Variants in HDAC11 observed in about 807,000 individuals in gnomAD.
HDAC11 encodes the protein histone deacetylase 11.
A neutral mutation model predicts 41.1 loss-of-function variants in HDAC11; 23 were observed. That is an observed-to-expected ratio of 0.56 (90% CI 0.40 to 0.79). The LOEUF (loss-of-function observed/expected upper bound fraction) is 0.79, where lower values mean the gene tolerates loss of function less well. HDAC11 is among the 30% of genes least tolerant of loss of function. The probability of loss-of-function intolerance (pLI) is 0.00; values close to 1 mark genes in which losing one functional copy is unlikely to be tolerated. For synonymous variants in HDAC11, 187 were observed against 186.6 expected (o/e 1.00, Z -0.02); for missense variants, 402 against 477.3 (o/e 0.84, Z 1.47).
chr3:13,483,500 C>T lies in HDAC11; in HGVS notation c.188C>T (p.Ala63Val). The change falls in exon 3 of 10, where the codon GCG (alanine) becomes GTG (valine). Residue 63 changes from alanine to valine, a missense_variant. Coordinates refer to ENST00000295757, the MANE Select transcript of HDAC11 (RefSeq NM_024827.4). ...CTGTCTGACAGCATGCTGGTGGAGG[C>T]GCGGGAGGCCTCGGAGGAGGACCTG... The part of the protein sequence containing the change: ...KLLSDSMLVE[A>V]REASEEDLLV... 4.3e-6 allele frequency: 7 copies of T among 1,613,944 alleles called. No homozygotes were observed. The highest frequency in any genetic ancestry group is 1.7e-4 in the Middle Eastern group (1 of 6,056).
Position 13,481,365 on chromosome 3 carries a change from A to G in HDAC11, c.122A>G (p.Lys41Arg), listed in dbSNP as rs777534698. 1 of 1,614,126 alleles carries G rather than the reference A, an allele frequency of 6.2e-7. No homozygotes were observed. Among genetic ancestry groups the G allele is most frequent in the South Asian group, 1.1e-5 (1 of 91,082 alleles). Residue 41 changes from lysine (K) to arginine (R), a missense_variant, in exon 2 of 10, where the codon AAA becomes AGA. Lys to Arg is a conservative substitution (Grantham distance 26). Transcript: ENST00000295757. ...AAGCTGCATCCCTTTGATGCCGGAA[A>G]ATGGGGCAAAGTGATCAATTTCCTA... ...LEKLHPFDAG[K>R]WGKVINFLKE...
rs377151034 is a variant in HDAC11 at position 13,504,840 on chromosome 3, C to T, written c.*157C>T. On this transcript the variant is annotated 3_prime_UTR_variant, in exon 10 of 10. Transcript: ENST00000295757. Reference sequence around the variant, plus strand: ...GGAGCTGGCCCTTCCTCTACTTTTCCCTGCTGGAAGCCAGAAGGGCTTGAG... The same window carrying T: ...GGAGCTGGCCCTTCCTCTACTTTTCTCTGCTGGAAGCCAGAAGGGCTTGAG... 1 of 690,930 alleles carries T rather than the reference C, an allele frequency of 1.4e-6. No homozygotes were observed. The allele number at this position is 690,930 out of a possible 1,614,324, so 42.8% of individuals were successfully genotyped here.
rs1702402456 is a variant in HDAC11 at position 13,502,233 on chromosome 3, C to T, written c.552+300C>T. ...AGAGCTCTGCTGTGGGTCCCCATTG[C>T]TTATGAATAATTTGGGGCACTGCCC... On this transcript the variant is annotated intron_variant, in intron 7 of 9. Coordinates refer to ENST00000295757, the MANE Select transcript of HDAC11 (RefSeq NM_024827.4). This position sits in a 1 kb window ranked among gnomAD's most constrained non-coding sequence, Gnocchi z 4.1. 1.3e-5 allele frequency: 5 copies of T among 379,750 alleles called. No individual in the cohort carries two copies. The South Asian group carries it at 2.6e-4, about 20-fold the overall frequency. 23.5% of individuals were successfully genotyped at this position (379,750 alleles called of 1,614,324 possible). A position where few individuals can be genotyped will look rare whatever the true frequency, so the allele number is the denominator to read the frequency against.
intron 4 of HDAC11, 68 bp from the exon 5 acceptor site, chr3:13,498,445 T>C: frequency 1.3e-6 from 2 of 1,580,022 alleles, no homozygotes. Flanking sequence ...AATGAGTGCA[T>C]GAATCAGTGA....
chr3:13,502,759 C>G lies in HDAC11; in HGVS notation c.553-125C>G. 1.5e-6 allele frequency: 1 copy of G among 685,366 alleles called. No individual in the cohort carries two copies. Among genetic ancestry groups the G allele is most frequent in the Non-Finnish European group, 2.6e-6 (1 of 386,230 alleles). The allele number at this position is 685,366 out of a possible 1,614,324, so 42.5% of individuals were successfully genotyped here. On this transcript the variant is annotated intron_variant, in intron 7 of 9. Transcript: ENST00000295757. The surrounding 1 kb of genome is among the most constrained non-coding windows in gnomAD (Gnocchi z 4.1). ...TGCCCCTTAACAGTCATGAGACCTG[C>G]TGCCCCCGAGAGCAGGCCGTGCTGC... is the stretch of plus-strand genomic sequence containing the variant.
chr3:13,503,836 G>A (rs1702483977), intron 8 of HDAC11, among the ~76,000 whole-genome samples: 1 of 152,204 alleles, frequency 6.6e-6, no homozygotes. Flanking sequence ...AGACCCAGAG[G>A]AGGCAGTGAA....
intron 3 of HDAC11, among the ~76,000 whole-genome samples, chr3:13,492,121 A>G (rs187374514): frequency 6.6e-6 from 1 of 152,248 alleles, no homozygotes; most frequent in East Asian, 1.9e-4. Context: ...GGGCAGAGTG[A>G]GCAGCTGAGC....
Position 13,492,512 on chromosome 3 carries a change from A to T in HDAC11, c.253-4224A>T, listed in dbSNP as rs571251714. Among the ~76,000 whole-genome samples the T allele has an allele frequency of 3.3e-5, 5 of 152,288 alleles. No homozygotes were observed. In the East Asian group the frequency reaches 9.7e-4, roughly 29 times the overall value. ...AGTGCTATCTGGGAAGATGAAGCCA[A>T]GGTGTGGGCTCCAGGGGGCCCCAGG... On this transcript the variant is annotated intron_variant, in intron 3 of 9. Coordinates refer to ENST00000295757, the MANE Select transcript of HDAC11 (RefSeq NM_024827.4).
At chr3:13,484,341 A>G (rs1372022741) in intron 3 of HDAC11, among the ~76,000 whole-genome samples, 2 of 152,166 alleles carry the variant, frequency 1.3e-5, no homozygotes, top group Non-Finnish European at 2.9e-5. Context: ...TTGTTGGTCT[A>G]AAAACTAATT....
At position 13,504,659 on chromosome 3, in the gene HDAC11, G is replaced by T. The variant is rs777129363; in HGVS notation, c.1020G>T (p.Pro340=). ...PSVSAQNSDT[P]LLPPAVP Reference sequence around the variant, plus strand: ...TCTCCGCACAGAACTCAGACACACCGCTGCTTCCCCCTGCAGTGCCCTGAC... The same window carrying T: ...TCTCCGCACAGAACTCAGACACACCTCTGCTTCCCCCTGCAGTGCCCTGAC... The change falls in exon 10 of 10, where the codon CCG becomes CCT. Residue 340 remains proline (P), a synonymous_variant. Transcript: ENST00000295757. The T allele has an allele frequency of 1.2e-5, 20 of 1,613,584 alleles. No individual in the cohort carries two copies. The East Asian group carries it at 3.6e-4, about 29-fold the overall frequency.
intron 3 of HDAC11, among the ~76,000 whole-genome samples, chr3:13,496,173 C>G (rs951662173): frequency 7.9e-5 from 12 of 152,140 alleles, no homozygotes; most frequent in Admixed American, 4.6e-4. Flanking sequence ...TACCGTAGAC[C>G]CCCCCAGCCT....
chr3:13,498,372 A>G (rs1702203121), intron 4 of HDAC11, 141 bp from the exon 5 acceptor site: 2 of 1,043,222 alleles, frequency 1.9e-6, no homozygotes, highest in East Asian at 2.5e-5. Context: ...AGTTCCTTCT[A>G]TACCCCTGCC....
intron 2 of HDAC11, 87 bp downstream of exon 2, chr3:13,481,481 C>G (rs1176970218): frequency 2.7e-6 from 4 of 1,478,296 alleles, no homozygotes; most frequent in Non-Finnish European, 3.7e-6. Flanking sequence ...GCCTCAGGCT[C>G]TCTCCCATCT....
intron 6 of HDAC11, 48 bp downstream of exon 6, chr3:13,500,837 A>T: frequency 1.5e-6 from 2 of 1,309,754 alleles, no homozygotes; most frequent in Middle Eastern, 1.9e-4. Context: ...CCCTCCTGGA[A>T]TCCTCCCCAT....
intron 3 of HDAC11, among the ~76,000 whole-genome samples, chr3:13,486,057 C>T (rs369361088): frequency 2.6e-4 from 40 of 151,964 alleles, no homozygotes; most frequent in East Asian, 2.3e-3. Context: ...CACTTGAGGT[C>T]GGGAGTTTGA....
chr3:13,493,435 G>C (rs946079343), intron 3 of HDAC11, among the ~76,000 whole-genome samples: 2 of 152,250 alleles, frequency 1.3e-5, no homozygotes, highest in Non-Finnish European at 2.9e-5. Flanking sequence ...GGAACCTTCT[G>C]CAATGATGGA....
rs193128900 is a variant in HDAC11, at chr3:13,487,406, C to T, written c.252+3842C>T. ...CTACCCCCAACCCCTGCCTGGGGCT[C>T]ATGCCTGACTCTGCACTGGTGTGGC... On this transcript the variant is annotated intron_variant, in intron 3 of 9. Coordinates refer to ENST00000295757, the MANE Select transcript of HDAC11 (RefSeq NM_024827.4). 7.2e-5 allele frequency among the ~76,000 whole-genome samples: 11 copies of T among 152,360 alleles called. No homozygotes were observed. The East Asian group carries it at 2.1e-3, about 29-fold the overall frequency.
rs750882226 is a variant in HDAC11 at position 13,481,222 on chromosome 3, C to T, written c.3-24C>T. ...TTCTGCCGAGGCTGCCCCAGCTGTGCGTCTGTCTTTTTCCACACGGTAGGC... is the reference window on the plus strand; with the variant it reads ...TTCTGCCGAGGCTGCCCCAGCTGTGTGTCTGTCTTTTTCCACACGGTAGGC... On this transcript the variant is annotated intron_variant, in intron 1 of 9. Transcript: ENST00000295757. 5.0e-6 allele frequency: 8 copies of T among 1,606,522 alleles called. No individual in the cohort carries two copies. In the Admixed American group the frequency reaches 1.2e-4, roughly 24 times the overall value.
At chr3:13,495,043 C>T (rs1236218044) in intron 3 of HDAC11, among the ~76,000 whole-genome samples, 1 of 152,088 alleles carries the variant, frequency 6.6e-6, no homozygotes, top group African/African-American at 2.4e-5. Context: ...CCTAAAACTC[C>T]TCCTCCTGGT....
Sources: allele counts gnomAD v4.1 joint callset (sites outside exome capture counted in the v4.1 genomes callset), GRCh38; gene constraint gnomAD v4.1.1; non-coding constraint Gnocchi (gnomAD v3.1); transcripts MANE v1.5; gene names NCBI Gene and HGNC (gene_info 2026-07-23, HGNC 2026-07-21).